Variants in KCTD16 observed in about 807,000 individuals in gnomAD.
KCTD16 encodes the protein potassium channel tetramerization domain containing 16.
A neutral mutation model predicts 33.2 loss-of-function variants in KCTD16; 13 were observed. That is an observed-to-expected ratio of 0.39 (90% CI 0.25 to 0.62). The LOEUF is 0.62. Among genes scored for constraint, KCTD16 ranks in the 20% least tolerant of loss-of-function variants. KCTD16 has a pLI of 0.50. For missense variants in KCTD16, 441 were observed against 525.1 expected (o/e 0.84, Z 1.57); for synonymous variants, 197 against 195.3 (o/e 1.01, Z -0.07).
rs146541436 is a variant in KCTD16 at position 144,473,998 on chromosome 5, A to G, written c.1171A>G (p.Ile391Val). Residue 391 changes from isoleucine (I) to valine (V), a missense_variant, in exon 4 of 4, where the codon ATT becomes GTT. Around this residue, in one of 3 missense-constraint regions of KCTD16, gnomAD observed 355 missense variants for 413.0 expected, o/e 0.86. Coordinates refer to ENST00000512467, the MANE Select transcript of KCTD16 (RefSeq NM_020768.4). ...KKKAVKEKLS[I>V]EEELEKCIQD... ...AAAAGCTGTTAAAGAAAAGCTCTCA[A>G]TTGAGGAGGAGCTGGAGAAATGTAT... 1.7e-4 allele frequency: 271 copies of G among 1,614,090 alleles called. 1 individual carries two copies. In the African/African-American group the frequency reaches 2.9e-3, roughly 17 times the overall value.
intron 3 of KCTD16, among the ~76,000 whole-genome samples, chr5:144,407,657 A>G (rs1251259204): frequency 6.6e-6 from 1 of 152,098 alleles, no homozygotes; most frequent in Admixed American, 6.6e-5. Flanking sequence ...TTTAAGCCCC[A>G]CATGCATTAA....
chr5:144,426,265 C>T (rs1278843708), intron 3 of KCTD16, among the ~76,000 whole-genome samples: 1 of 152,124 alleles, frequency 6.6e-6, no homozygotes, highest in Non-Finnish European at 1.5e-5. Flanking sequence ...TTCCAGTTTC[C>T]AATACCTTGT....
At chr5:144,365,153 A>C (rs116531396) in intron 3 of KCTD16, among the ~76,000 whole-genome samples, 2,860 of 152,126 alleles carry the variant, frequency 0.019, 80 homozygotes, top group African/African-American at 0.065. Context: ...TCCAGGACAA[A>C]TCTTTTTATA....
chr5:144,475,583 A>G lies in KCTD16; in HGVS notation c.*1469A>G, dbSNP rs553567476. On this transcript the variant is annotated 3_prime_UTR_variant, in exon 4 of 4. Transcript: ENST00000512467. Reference sequence around the variant, plus strand: ...TTAAAAGACCAGTTTTATTTTCAGCATTCCTCATGCATTTCAGTGGTAACC... The same window carrying G: ...TTAAAAGACCAGTTTTATTTTCAGCGTTCCTCATGCATTTCAGTGGTAACC... The G allele has an allele frequency of 2.6e-5, 4 of 152,768 alleles. No homozygotes were observed. In the East Asian group the frequency reaches 5.8e-4, roughly 22 times the overall value. The allele number at this position is 152,768 out of a possible 1,614,324, so 9.5% of individuals were successfully genotyped here.
At chr5:144,349,184 A>T (rs1405352359) in intron 3 of KCTD16, among the ~76,000 whole-genome samples, 1 of 152,158 alleles carries the variant, frequency 6.6e-6, no homozygotes, top group Admixed American at 6.5e-5. Flanking sequence ...TTGAAACTCA[A>T]AACCATCTTG....
At chr5:144,266,390 A>G (rs375976129) in intron 3 of KCTD16, among the ~76,000 whole-genome samples, 1 of 152,164 alleles carries the variant, frequency 6.6e-6, no homozygotes, top group South Asian at 2.1e-4. Context: ...AGAGCCTAGA[A>G]TATTTGAAGA....
intron 3 of KCTD16, among the ~76,000 whole-genome samples, chr5:144,409,898 G>GT (rs1226452686): frequency 1.3e-5 from 2 of 152,190 alleles, no homozygotes; most frequent in Non-Finnish European, 2.9e-5. Context: ...TGGTGGGGGA[G>GT]TTTTGTGAGA....
chr5:144,237,932 A>G (rs1281287403), intron 3 of KCTD16, among the ~76,000 whole-genome samples: 2 of 152,136 alleles, frequency 1.3e-5, no homozygotes, highest in Admixed American at 1.3e-4. Flanking sequence ...GCATCTTCGA[A>G]TTGCAGTTTG....
intron 3 of KCTD16, among the ~76,000 whole-genome samples, chr5:144,313,542 T>A (rs1029869233): frequency 6.6e-6 from 1 of 152,204 alleles, no homozygotes; most frequent in Admixed American, 6.5e-5. Context: ...AGCTACAATT[T>A]TTTTAAAACT....
At chr5:144,233,517 C>T (rs1754165336) in intron 3 of KCTD16, among the ~76,000 whole-genome samples, 1 of 152,110 alleles carries the variant, frequency 6.6e-6, no homozygotes, top group African/African-American at 2.4e-5. Context: ...CAGCCCTTCT[C>T]ACAGTTCTTT....
intron 3 of KCTD16, among the ~76,000 whole-genome samples, chr5:144,238,621 A>T (rs753190461): frequency 7.2e-5 from 11 of 152,040 alleles, no homozygotes; most frequent in Non-Finnish European, 1.3e-4. Context: ...GTCTTGATTC[A>T]TTTCAGTGTA....
rs1357085353 is a variant in KCTD16, at chr5:144,484,498, A to G, written c.*10384A>G. ...ACCCACAAAATAATTCGTCCAAATT[A>G]AATTGACTTTTTTACATAACATCAG... On this transcript the variant is annotated 3_prime_UTR_variant, in exon 4 of 4. Transcript: ENST00000512467. 3.3e-5 allele frequency: 5 copies of G among 151,964 alleles called. No homozygotes were observed. The highest frequency in any genetic ancestry group is 1.2e-4 in the African/African-American group (5 of 41,430). 9.4% of individuals were successfully genotyped at this position (151,964 alleles called of 1,614,324 possible). A position where few individuals can be genotyped will look rare whatever the true frequency, so the allele number is the denominator to read the frequency against.
intron 3 of KCTD16, among the ~76,000 whole-genome samples, chr5:144,465,322 T>G (rs349690): frequency 0.46 from 69,195 of 151,596 alleles, 16,096 homozygotes; most frequent in East Asian, 0.67. Flanking sequence ...ATCAACAATG[T>G]ACTCTTCTTC....
At chr5:144,276,572 C>G (rs1313424999) in intron 3 of KCTD16, among the ~76,000 whole-genome samples, 1 of 152,142 alleles carries the variant, frequency 6.6e-6, no homozygotes, top group East Asian at 1.9e-4. Context: ...TGACCACTAA[C>G]TTGTGGTTTA....
intron 3 of KCTD16, among the ~76,000 whole-genome samples, chr5:144,323,211 CT>C (rs766489807): frequency 1.4e-4 from 22 of 152,138 alleles, no homozygotes; most frequent in Non-Finnish European, 3.1e-4. Flanking sequence ...CAATACTATA[CT>C]TTTACCAACT....
chr5:144,344,037 C>T (rs1433734516), intron 3 of KCTD16, among the ~76,000 whole-genome samples: 1 of 151,960 alleles, frequency 6.6e-6, no homozygotes, highest in African/African-American at 2.4e-5. Flanking sequence ...CAGAACAGAG[C>T]CCTCAGAAAT....
At chr5:144,407,718 T>C (rs1208364504) in intron 3 of KCTD16, among the ~76,000 whole-genome samples, 1 of 152,086 alleles carries the variant, frequency 6.6e-6, no homozygotes, top group African/African-American at 2.4e-5. Context: ...TCACAGGCCC[T>C]GGTGTGTGTT....
chr5:144,433,794 T>C (rs1753518810), intron 3 of KCTD16, among the ~76,000 whole-genome samples: 2 of 152,180 alleles, frequency 1.3e-5, no homozygotes, highest in Non-Finnish European at 2.9e-5. Flanking sequence ...TAAAGCCTTG[T>C]TTTTCTGCTC....
chr5:144,286,261 T>A (rs1755743894), intron 3 of KCTD16, among the ~76,000 whole-genome samples: 1 of 152,138 alleles, frequency 6.6e-6, no homozygotes, highest in Non-Finnish European at 1.5e-5. Flanking sequence ...CACTTTATAT[T>A]TTTTTTCTCC....
Sources: allele counts gnomAD v4.1 joint callset (sites outside exome capture counted in the v4.1 genomes callset), GRCh38; gene constraint gnomAD v4.1.1; regional missense constraint gnomAD v4.1.1; transcripts MANE v1.5; gene names NCBI Gene and HGNC (gene_info 2026-07-23, HGNC 2026-07-21).